Variants in CARMIL3 observed in about 807,000 individuals in gnomAD.
The protein encoded by CARMIL3 is capping protein regulator and myosin 1 linker 3, also known as capping protein, Arp2/3 and myosin-I linker protein 3.
CARMIL3 carries 88 observed loss-of-function variants against 180.8 expected under a neutral mutation model. The observed-to-expected ratio is 0.49, with a 90% CI of 0.41 to 0.58. CARMIL3 has a LOEUF of 0.58. Ranked by LOEUF, CARMIL3 falls within the 20% of genes least tolerant of loss-of-function variation. The pLI is 0.00. For missense variants in CARMIL3, 1,548 were observed against 1,787.0 expected, an observed-to-expected ratio of 0.87 and a Z score of 2.41; for synonymous variants, 696 against 714.5, an observed-to-expected ratio of 0.97 and a Z score of 0.41.
Position 24,062,532 on chromosome 14 carries a change from A to T in CARMIL3, c.2533A>T (p.Ile845Phe). The change falls in exon 28 of 40, where the codon ATC becomes TTC. Residue 845 changes from isoleucine (I) to phenylalanine (F), a missense_variant. Transcript: ENST00000342740. ...TYLTSSIVDEILQELYHSHKS... is the reference protein window; with the variant it reads ...TYLTSSIVDEFLQELYHSHKS... ...CCTAACCAGCTCCATAGTGGATGAG[A>T]TCCTGCAAGAGCTCTACCATTCCCA... 12 of 1,614,164 alleles carry T rather than the reference A, an allele frequency of 7.4e-6. No homozygotes were observed. The highest frequency in any genetic ancestry group is 1.0e-5 in the Non-Finnish European group (12 of 1,180,020).
chr14:24,056,741 C>G (rs949266189), intron 12 of CARMIL3, 33 bp downstream of exon 12: 5 of 1,602,534 alleles, frequency 3.1e-6, no homozygotes, highest in Non-Finnish European at 4.3e-6. Flanking sequence ...ACCTCTGACC[C>G]TACCCTGGTG....
rs776534495 is a variant in CARMIL3 at position 24,058,996 on chromosome 14, C to G, written c.1571+10C>G. On this transcript the variant is annotated intron_variant, in intron 19 of 39. Coordinates refer to ENST00000342740, the MANE Select transcript of CARMIL3 (RefSeq NM_138360.4). The surrounding 1 kb of genome is among the most constrained non-coding windows in gnomAD (Gnocchi z 6.4). ...TCAATGTCAAGGCCAAGTGAGGCCC[C>G]CTTTCCATGCCCACAGACCCTCATC... 6.2e-7 allele frequency: 1 copy of G among 1,613,638 alleles called. No individual in the cohort carries two copies. The highest frequency in any genetic ancestry group is 8.5e-7 in the Non-Finnish European group (1 of 1,179,864).
At chr14:24,064,862 A>G in intron 32 of CARMIL3, 96 bp from the exon 33 acceptor site, 2 of 1,284,050 alleles carry the variant, frequency 1.6e-6, no homozygotes, top group South Asian at 2.7e-5. Context: ...GCTGCAGTGC[A>G]GCAGGGGAGA....
chr14:24,057,967 C>T lies in CARMIL3; in HGVS notation c.1225C>T (p.Arg409Ter). Residue 409 changes from arginine to a stop codon, truncating the protein, a stop_gained, in exon 16 of 40, where the codon CGA (arginine) becomes TGA (stop). Transcript: ENST00000342740. LOFTEE classifies it high-confidence loss of function. ...ARNSCSHRKG[R>*]EAPPAFKQFF... ...CCAGGGGTCTCTCCACAGGAAGGGT[C>T]GAGAGGCCCCGCCGGCCTTCAAGCA... 1.9e-6 allele frequency: 3 copies of T among 1,613,390 alleles called. No individual in the cohort carries two copies. The highest frequency in any genetic ancestry group is 2.5e-6 in the Non-Finnish European group (3 of 1,179,962).
chr14:24,054,867 G>A lies in CARMIL3; in HGVS notation c.460+59G>A. ...TCCACCATCTTGCCCCATGATCAGA[G>A]CCCTTTGTGCACAGGGTGTTGCCTG... On this transcript the variant is annotated intron_variant, in intron 6 of 39. Coordinates refer to ENST00000342740, the MANE Select transcript of CARMIL3 (RefSeq NM_138360.4). This position sits in a 1 kb window ranked among gnomAD's most constrained non-coding sequence, Gnocchi z 5.1. 1 of 1,547,346 alleles carries A rather than the reference G, an allele frequency of 6.5e-7. No homozygotes were observed. The highest frequency in any genetic ancestry group is 1.7e-5 in the Admixed American group (1 of 57,796).
Position 24,059,655 on chromosome 14 carries a change from T to TC in CARMIL3, c.1800-3dup. The TC allele has an allele frequency of 1.9e-6, 3 of 1,613,036 alleles. No individual in the cohort carries two copies. The highest frequency in any genetic ancestry group is 8.5e-7 in the Non-Finnish European group (1 of 1,179,634). On this transcript the variant is annotated splice_polypyrimidine_tract_variant and intron_variant, in intron 21 of 39. Coordinates refer to ENST00000342740, the MANE Select transcript of CARMIL3 (RefSeq NM_138360.4). The surrounding 1 kb of genome is among the most constrained non-coding windows in gnomAD (Gnocchi z 6.3). ...AGAGGTGCCAAACTGGTGCTTACCC[T>TC]CCCCCCAGAACTATCCTATGGGATC...
intron 24 of CARMIL3, 42 bp downstream of exon 24, chr14:24,060,297 G>A: frequency 6.2e-7 from 1 of 1,601,600 alleles, no homozygotes; most frequent in Non-Finnish European, 8.6e-7. Context: ...CCCGGGGCAT[G>A]CAGGGCACAG....
At chr14:24,055,522 C>A in intron 8 of CARMIL3, 21 bp from the exon 9 acceptor site, 1 of 1,613,584 alleles carries the variant, frequency 6.2e-7, no homozygotes, top group South Asian at 1.1e-5. Flanking sequence ...CACTTTCCTG[C>A]CCCCTTCCAT....
In CARMIL3 at chr14:24,053,801, C is replaced by T. The variant is rs1235032412; in HGVS notation, c.133C>T (p.Leu45=). The part of the protein sequence containing the change: ...TKPKKFEDRV[L]ALTSWRLHLF... ...GCCCAAGAAGTTTGAGGACCGAGTG[C>T]TGGTGAGGGCACTGGGCATGTGGGG... is the stretch of plus-strand genomic sequence containing the variant. Residue 45 remains leucine, a splice_region_variant and synonymous_variant, in exon 2 of 40, where the codon CTG becomes TTG. Coordinates refer to ENST00000342740, the MANE Select transcript of CARMIL3 (RefSeq NM_138360.4). 3 of 1,610,808 alleles carry T rather than the reference C, an allele frequency of 1.9e-6. No homozygotes were observed. Among genetic ancestry groups the T allele is most frequent in the Admixed American group, 1.7e-5 (1 of 59,682 alleles).
chr14:24,053,638 C>A, intron 1 of CARMIL3, 71 bp from the exon 2 acceptor site: 2 of 1,156,842 alleles, frequency 1.7e-6, no homozygotes, highest in South Asian at 2.9e-5. Context: ...CTGCCTCTAT[C>A]TGGAGAGCTC....
Position 24,059,431 on chromosome 14 carries a change from C to T in CARMIL3, c.1788C>T (p.Asn596=). ...AKMLSKALQI[N]SSLRTILWDR... is the part of the protein sequence containing the mutation. ...TGCTGTCTAAGGCCCTGCAGATAAA[C>T]TCCTCCCTCAGGTGGGGCCCACACC... is the stretch of plus-strand genomic sequence containing the variant. Residue 596 remains asparagine, a synonymous_variant, in exon 21 of 40, where the codon AAC becomes AAT. Transcript: ENST00000342740. The surrounding 1 kb of genome is among the most constrained non-coding windows in gnomAD (Gnocchi z 6.3). 1.3e-6 allele frequency: 2 copies of T among 1,576,004 alleles called. No individual in the cohort carries two copies. Among genetic ancestry groups the T allele is most frequent in the Non-Finnish European group, 1.7e-6 (2 of 1,160,934 alleles).
In CARMIL3 at chr14:24,066,458, G is replaced by A. The variant is rs770898604; in HGVS notation, c.3586G>A (p.Asp1196Asn). Residue 1196 changes from aspartate to asparagine, a missense_variant, in exon 35 of 40, where the codon GAC (aspartate) becomes AAC (asparagine). Asp to Asn is a conservative substitution (Grantham distance 23, BLOSUM62 1). This residue lies in a region of CARMIL3 where 668 missense variants were observed against 687.8 expected (regional missense o/e 0.97). Coordinates refer to ENST00000342740, the MANE Select transcript of CARMIL3 (RefSeq NM_138360.4). The part of the protein sequence containing the change: ...QAWQKRRSSD[D>N]AGPGSWKPPP... ...CTGGCAGAAACGGCGCTCTTCAGACGACGCAGGTAAGAACAGTCACATTCA... is the reference window on the plus strand; with the variant it reads ...CTGGCAGAAACGGCGCTCTTCAGACAACGCAGGTAAGAACAGTCACATTCA... 50 of 1,614,070 alleles carry A rather than the reference G, an allele frequency of 3.1e-5. No individual in the cohort carries two copies. Among genetic ancestry groups the A allele is most frequent in the Admixed American group, 1.0e-4 (6 of 60,008 alleles).
rs199552509 is a variant in CARMIL3, at chr14:24,056,729, T to G, written c.952+21T>G. On this transcript the variant is annotated intron_variant, in intron 12 of 39. Transcript: ENST00000342740. ...TCGAGGTACTCGCACCAAGGACCCCTGACCTCTGACCCTACCCTGGTGCTG... is the reference window on the plus strand; with the variant it reads ...TCGAGGTACTCGCACCAAGGACCCCGGACCTCTGACCCTACCCTGGTGCTG... The G allele has an allele frequency of 7.7e-4, 1,232 of 1,609,250 alleles. 1 individual carries two copies. The highest frequency in any genetic ancestry group is 1.0e-3 in the Non-Finnish European group (1,191 of 1,177,958).
chr14:24,052,453 C>T (rs2035626712), intron 1 of CARMIL3, among the ~76,000 whole-genome samples: 1 of 152,222 alleles, frequency 6.6e-6, no homozygotes, highest in African/African-American at 2.4e-5. Flanking sequence ...AGTTCCCTGG[C>T]GCTCCCTGGG....
Position 24,057,003 on chromosome 14 carries a change from C to G in CARMIL3, c.1041C>G (p.Leu347=). ...TGGACCTGAGCAAGAATCCTGGGCTCCTCGCCACGGATGAGGCCAATGTGA... is the reference window on the plus strand; with the variant it reads ...TGGACCTGAGCAAGAATCCTGGGCTGCTCGCCACGGATGAGGCCAATGTGA... ...RYLDLSKNPG[L]LATDEANALY... Residue 347 remains leucine, a synonymous_variant, in exon 13 of 40, where the codon CTC becomes CTG. Transcript: ENST00000342740. 1.9e-6 allele frequency: 3 copies of G among 1,613,732 alleles called. No individual in the cohort carries two copies. The highest frequency in any genetic ancestry group is 2.5e-6 in the Non-Finnish European group (3 of 1,179,836).
At position 24,069,468 on chromosome 14, in the gene CARMIL3, A is replaced by AC. The variant is rs2035839868; in HGVS notation, c.*69dup. The AC allele has an allele frequency of 1.3e-6, 2 of 1,583,370 alleles. No individual in the cohort carries two copies. ...CTCGCAAGGACTCAGACCCCTATCC[A>AC]CCCCCAGTCCCCAGGGCCCCCTGCC... On this transcript the variant is annotated 3_prime_UTR_variant, in exon 40 of 40. Transcript: ENST00000342740.
rs747027654 is a variant in CARMIL3, at chr14:24,059,662, A to G, written c.1800-2A>G. ...CCAAACTGGTGCTTACCCTCCCCCC[A>G]GAACTATCCTATGGGATCGGAACAA... On this transcript the variant is annotated splice_acceptor_variant, in intron 21 of 39. Transcript: ENST00000342740. LOFTEE classifies it high-confidence loss of function. This position sits in a 1 kb window ranked among gnomAD's most constrained non-coding sequence, Gnocchi z 6.3. The G allele has an allele frequency of 1.2e-6, 2 of 1,613,948 alleles. No individual in the cohort carries two copies. Among genetic ancestry groups the G allele is most frequent in the Non-Finnish European group, 1.7e-6 (2 of 1,179,952 alleles).
intron 27 of CARMIL3, 40 bp from the exon 28 acceptor site, chr14:24,062,440 G>A (rs1275686916): frequency 6.4e-6 from 10 of 1,566,986 alleles, no homozygotes; most frequent in Non-Finnish European, 8.8e-6. Context: ...GCGGGGGACT[G>A]AGGTGCTAAT....
chr14:24,053,870 G>A, intron 2 of CARMIL3, 67 bp downstream of exon 2: 1 of 1,399,526 alleles, frequency 7.1e-7, no homozygotes, highest in South Asian at 1.3e-5. Context: ...GTAGAGGGCA[G>A]GGAGCCGGGA....
Sources: gnomAD v4.1 joint callset for allele counts (sites outside exome capture counted in the v4.1 genomes callset) on GRCh38, gnomAD v4.1.1 for gene constraint, gnomAD v4.1.1 regional missense constraint, Gnocchi (gnomAD v3.1) non-coding constraint, MANE v1.5 for transcripts, NCBI Gene and HGNC (gene_info 2026-07-23, HGNC 2026-07-21) for gene names.